The following ITGBL1 variants were observed in gnomAD, a reference collection of about 807,000 sequenced individuals.
ITGBL1 encodes integrin beta-like protein 1.
ITGBL1 carries 51 observed loss-of-function variants against 68.5 expected under a neutral mutation model. The observed-to-expected ratio is 0.74, with a 90% CI of 0.59 to 0.94. The LOEUF (loss-of-function observed/expected upper bound fraction) is 0.94. Ranked by LOEUF, ITGBL1 falls within the 40% of genes least tolerant of loss-of-function variation. The probability of loss-of-function intolerance (pLI) is 0.00; values close to 1 mark genes in which losing one functional copy is unlikely to be tolerated. For synonymous variants in ITGBL1, 209 were observed against 227.3 expected (o/e 0.92, Z 0.72); for missense variants, 649 against 647.4 (o/e 1.00, Z -0.03).
chr13:101,640,905 T>C (rs1242391224), intron 7 of ITGBL1, among the ~76,000 whole-genome samples: 1 of 152,216 alleles, frequency 6.6e-6, no homozygotes, highest in Non-Finnish European at 1.5e-5. Context: ...AGTACTCCAG[T>C]GTCCTAATAA....
At chr13:101,520,963 G>A (rs1007489097) in intron 2 of ITGBL1, among the ~76,000 whole-genome samples, 1 of 152,172 alleles carries the variant, frequency 6.6e-6, no homozygotes, top group Non-Finnish European at 1.5e-5. Context: ...CTTGAACATC[G>A]TCCTTTTGTA....
chr13:101,556,929 T>C (rs2050016815), intron 2 of ITGBL1, among the ~76,000 whole-genome samples: 3 of 152,188 alleles, frequency 2.0e-5, no homozygotes, highest in African/African-American at 7.2e-5. Flanking sequence ...TGGCAGTTCT[T>C]AGGAAACTAA....
At chr13:101,593,072 C>A (rs977870624) in intron 6 of ITGBL1, among the ~76,000 whole-genome samples, 1 of 151,762 alleles carries the variant, frequency 6.6e-6, no homozygotes, top group African/African-American at 2.4e-5. Context: ...AAGAAAACAA[C>A]CCAAGTAAAA....
At chr13:101,639,983 G>A (rs1240961111) in intron 7 of ITGBL1, among the ~76,000 whole-genome samples, 1 of 152,122 alleles carries the variant, frequency 6.6e-6, no homozygotes, top group Non-Finnish European at 1.5e-5. Context: ...TTTAAATACA[G>A]CATGTGGACC....
intron 2 of ITGBL1, among the ~76,000 whole-genome samples, chr13:101,518,426 C>G (rs1339381101): frequency 6.6e-6 from 1 of 152,138 alleles, no homozygotes; most frequent in African/African-American, 2.4e-5. Context: ...TGTCATCTGT[C>G]CAAACAGTTA....
intron 5 of ITGBL1, among the ~76,000 whole-genome samples, chr13:101,582,991 C>T (rs11842932): frequency 0.011 from 1,728 of 152,238 alleles, 32 homozygotes; most frequent in African/African-American, 0.039. Context: ...ACTAATGACA[C>T]ATTCCACCAA....
In ITGBL1 at chr13:101,532,373, C is replaced by T. The variant is rs552243940; in HGVS notation, c.317-35326C>T. Among the ~76,000 whole-genome samples, 4 of 152,240 alleles carry T rather than the reference C, an allele frequency of 2.6e-5. No individual in the cohort carries two copies. The South Asian group carries it at 8.3e-4, about 32-fold the overall frequency. ...GAAAATCATCAAATTCCTAGTTGTT[C>T]TGCTTAATAGATGCTTAACTATATT... On this transcript the variant is annotated intron_variant, in intron 2 of 10. Coordinates refer to ENST00000376180, the MANE Select transcript of ITGBL1 (RefSeq NM_004791.3).
chr13:101,544,906 C>T (rs187587018), intron 2 of ITGBL1, among the ~76,000 whole-genome samples: 170 of 152,258 alleles, frequency 1.1e-3, no homozygotes, highest in African/African-American at 3.7e-3. Context: ...ATTGGAAAAG[C>T]GCAGTATTAG....
intron 2 of ITGBL1, among the ~76,000 whole-genome samples, chr13:101,566,151 G>A (rs557143044): frequency 2.0e-5 from 3 of 152,020 alleles, no homozygotes; most frequent in African/African-American, 7.2e-5. Context: ...GTTTATTGGT[G>A]TGGAACCATA....
At chr13:101,655,543 A>C (rs1454554613) in intron 7 of ITGBL1, among the ~76,000 whole-genome samples, 1 of 152,218 alleles carries the variant, frequency 6.6e-6, no homozygotes, top group Admixed American at 6.5e-5. Flanking sequence ...GAAGTGTTGA[A>C]AATTTTAAGT....
chr13:101,705,145 C>T (rs1037647121), intron 8 of ITGBL1, among the ~76,000 whole-genome samples: 3 of 151,890 alleles, frequency 2.0e-5, no homozygotes, highest in African/African-American at 7.3e-5. Flanking sequence ...TTCAGGATCC[C>T]AATTTTCTCC....
At chr13:101,622,385 G>C (rs1276013587) in intron 7 of ITGBL1, among the ~76,000 whole-genome samples, 1 of 152,128 alleles carries the variant, frequency 6.6e-6, no homozygotes, top group East Asian at 1.9e-4. Context: ...ATTCAGTCTA[G>C]GTTCTTGCTT....
At chr13:101,709,394 A>AG (rs2034356391) in intron 9 of ITGBL1, among the ~76,000 whole-genome samples, 2 of 144,354 alleles carry the variant, frequency 1.4e-5, no homozygotes, top group African/African-American at 5.0e-5. Context: ...AAAAAAAAAA[A>AG]AAAAGAAAAG....
intron 7 of ITGBL1, among the ~76,000 whole-genome samples, chr13:101,690,204 A>C (rs2033852758): frequency 6.6e-6 from 1 of 152,224 alleles, no homozygotes; most frequent in Non-Finnish European, 1.5e-5. Context: ...ACGCCAGAAT[A>C]TTAACACTTT....
chr13:101,496,230 G>A (rs925784487), intron 2 of ITGBL1, among the ~76,000 whole-genome samples: 1 of 152,140 alleles, frequency 6.6e-6, no homozygotes, highest in African/African-American at 2.4e-5. Flanking sequence ...AGAGGTAGAC[G>A]CTCCCGGGCA....
At chr13:101,702,785 C>T (rs1384959079) in intron 8 of ITGBL1, among the ~76,000 whole-genome samples, 1 of 152,182 alleles carries the variant, frequency 6.6e-6, no homozygotes, top group East Asian at 1.9e-4. Flanking sequence ...ACAACAGATT[C>T]TCTGCCTTCA....
chr13:101,697,055 T>A (rs528970709), intron 8 of ITGBL1, among the ~76,000 whole-genome samples: 150 of 150,786 alleles, frequency 9.9e-4, no homozygotes, highest in African/African-American at 3.5e-3. Context: ...TTTTTTTACA[T>A]CAAGAGCTCT....
intron 2 of ITGBL1, among the ~76,000 whole-genome samples, chr13:101,520,953 C>CT (rs2139133363): frequency 6.6e-6 from 1 of 152,288 alleles, no homozygotes; most frequent in African/African-American, 2.4e-5. Flanking sequence ...CTTTAGAAGG[C>CT]TTGAACATCG....
At chr13:101,486,785 T>G (rs1338939617) in intron 2 of ITGBL1, among the ~76,000 whole-genome samples, 6 of 152,226 alleles carry the variant, frequency 3.9e-5, no homozygotes, top group Non-Finnish European at 1.5e-5. Flanking sequence ...ATATTACTAT[T>G]CATTTATTCA....
Sources: gnomAD v4.1 joint callset for allele counts (sites outside exome capture counted in the v4.1 genomes callset) on GRCh38, gnomAD v4.1.1 for gene constraint, MANE v1.5 for transcripts, NCBI Gene and HGNC (gene_info 2026-07-23, HGNC 2026-07-21) for gene names.